ZNF366: variants seen among roughly 807,000 people sequenced by gnomAD.
The protein encoded by ZNF366 is zinc finger protein 366.
Under a neutral mutation model 47.2 loss-of-function variants are expected in ZNF366, and 20 were observed. The ratio of observed to expected loss-of-function variants is 0.42; its 90% CI spans 0.30 to 0.62. The LOEUF (loss-of-function observed/expected upper bound fraction) is 0.62, where lower values mean the gene tolerates loss of function less well. ZNF366 is among the 20% of genes least tolerant of loss of function. The pLI, the probability that ZNF366 is intolerant of heterozygous loss-of-function variation, is 0.16. For missense variants in ZNF366, 987 were observed against 976.3 expected (o/e 1.01, Z -0.15); for synonymous variants, 421 against 395.1 (o/e 1.07, Z -0.78).
chr5:72,492,747 CCTT>C (rs747527244), intron 1 of ZNF366, among the ~76,000 whole-genome samples: 1 of 152,204 alleles, frequency 6.6e-6, no homozygotes, highest in Admixed American at 6.5e-5. Flanking sequence ...CTTCCTTTGA[CCTT>C]CTTACAGCTG....
intron 1 of ZNF366, among the ~76,000 whole-genome samples, chr5:72,495,226 G>T (rs1744088910): frequency 6.6e-6 from 1 of 152,174 alleles, no homozygotes; most frequent in African/African-American, 2.4e-5. Context: ...TCCCAGGAAA[G>T]CTCCTGGTCC....
intron 1 of ZNF366, among the ~76,000 whole-genome samples, chr5:72,498,857 G>T (rs1450214210): frequency 6.6e-6 from 1 of 152,216 alleles, no homozygotes. Flanking sequence ...CATATTGCTT[G>T]AAGAGCAAAT....
chr5:72,458,163 C>A (rs1349126224), intron 2 of ZNF366, among the ~76,000 whole-genome samples: 1 of 151,728 alleles, frequency 6.6e-6, no homozygotes, highest in Non-Finnish European at 1.5e-5. Flanking sequence ...ACTACAGGTA[C>A]CCGCCACCAT....
intron 1 of ZNF366, among the ~76,000 whole-genome samples, chr5:72,479,249 G>A (rs1743734606): frequency 1.3e-5 from 2 of 152,062 alleles, no homozygotes; most frequent in Admixed American, 6.6e-5. Flanking sequence ...TAGGAAGGTT[G>A]AATAGCCTGA....
At chr5:72,497,608 A>C (rs1744140159) in intron 1 of ZNF366, among the ~76,000 whole-genome samples, 1 of 152,160 alleles carries the variant, frequency 6.6e-6, no homozygotes, top group Non-Finnish European at 1.5e-5. Flanking sequence ...GATACATTGC[A>C]TTGTAGGTAT....
intron 1 of ZNF366, among the ~76,000 whole-genome samples, chr5:72,504,090 C>T (rs1336858593): frequency 2.0e-5 from 3 of 149,270 alleles, no homozygotes; most frequent in African/African-American, 4.9e-5. Context: ...CATGCGCGCG[C>T]ACACACGCGT....
At chr5:72,482,581 A>T (rs548799539) in intron 1 of ZNF366, among the ~76,000 whole-genome samples, 2 of 152,174 alleles carry the variant, frequency 1.3e-5, no homozygotes, top group South Asian at 4.1e-4. Context: ...TCATCATGTT[A>T]ATGTATTATG....
At chr5:72,459,793 C>T (rs1743264472) in intron 2 of ZNF366, among the ~76,000 whole-genome samples, 1 of 152,236 alleles carries the variant, frequency 6.6e-6, no homozygotes, top group African/African-American at 2.4e-5. Flanking sequence ...AGGCACAGAG[C>T]TGATCTAGGG....
At position 72,442,821 on chromosome 5, in the gene ZNF366, T is replaced by C. The variant is rs1742885185; in HGVS notation, c.*935A>G. 3 of 152,236 alleles carry C rather than the reference T, an allele frequency of 2.0e-5. No homozygotes were observed. Among genetic ancestry groups the C allele is most frequent in the South Asian group, 4.1e-4 (2 of 4,828 alleles). The allele number at this position is 152,236 out of a possible 1,614,324, so 9.4% of individuals were successfully genotyped here. Reference sequence around the variant, plus strand: ...AACTACAGGCTCCTGCCATCATGCCTGGCTAATTTTTGTATTTTTAGTAGA... The same window carrying C: ...AACTACAGGCTCCTGCCATCATGCCCGGCTAATTTTTGTATTTTTAGTAGA... On this transcript the variant is annotated 3_prime_UTR_variant, in exon 5 of 5. Transcript: ENST00000318442.
Position 72,460,770 on chromosome 5 carries a change from A to G in ZNF366, c.727T>C (p.Tyr243His), listed in dbSNP as rs758490714. ...DVNVQIDDSY[Y>H]VDVGGSQKRW... is the part of the protein sequence containing the mutation. ...TTCTGCGAGCCGCCCACGTCCACGT[A>G]GTAGCTGTCATCGATCTGCACGTTC... Residue 243 changes from tyrosine to histidine, a missense_variant, in exon 2 of 5, where the codon TAC (tyrosine) becomes CAC (histidine). Physicochemically the swap from Tyr to His is moderately conservative, Grantham distance 83 (BLOSUM62 2). Around this residue, in one of 3 missense-constraint regions of ZNF366, gnomAD observed 591 missense variants for 560.9 expected, o/e 1.05. Coordinates refer to ENST00000318442, the MANE Select transcript of ZNF366 (RefSeq NM_152625.3). 4.8e-5 allele frequency: 78 copies of G among 1,614,104 alleles called. No homozygotes were observed. The highest frequency in any genetic ancestry group is 1.3e-5 in the African/African-American group (1 of 74,944).
intron 1 of ZNF366, among the ~76,000 whole-genome samples, chr5:72,474,669 CACACACAG>C (rs2112339168): frequency 1.3e-5 from 2 of 152,194 alleles, no homozygotes; most frequent in South Asian, 4.1e-4. Flanking sequence ...CACACACACA[CACACACAG>C]ACACACACAC....
chr5:72,474,482 G>A (rs1435033461), intron 1 of ZNF366, among the ~76,000 whole-genome samples: 2 of 152,108 alleles, frequency 1.3e-5, no homozygotes, highest in African/African-American at 4.8e-5. Context: ...TCTCTCTTTT[G>A]GGACTTAAAC....
chr5:72,449,020 C>T (rs1184689135), intron 3 of ZNF366, among the ~76,000 whole-genome samples: 2 of 152,186 alleles, frequency 1.3e-5, no homozygotes, highest in African/African-American at 4.8e-5. Context: ...CTGCACACCA[C>T]ATTCATTTGA....
rs144363697 is a variant in ZNF366, at chr5:72,488,214, GA to G, written c.-15+19036del. Among the ~76,000 whole-genome samples, 351 of 138,812 alleles carry G rather than the reference GA, an allele frequency of 2.5e-3. 2 individuals carry two copies. Among genetic ancestry groups the G allele is most frequent in the East Asian group, 0.012 (58 of 4,868 alleles). 91.1% of individuals were successfully genotyped at this position (138,812 alleles called of 152,430 possible). On this transcript the variant is annotated intron_variant, in intron 1 of 4. Transcript: ENST00000318442. Reference sequence around the variant, plus strand: ...CGACAGAGTGAGACCCCATCTGAAAGAAAAAAAAAAAAAACTTACATAGCAG... The same window carrying G: ...CGACAGAGTGAGACCCCATCTGAAAGAAAAAAAAAAAAACTTACATAGCAG...
intron 1 of ZNF366, among the ~76,000 whole-genome samples, chr5:72,506,392 C>A (rs1204764404): frequency 1.3e-5 from 2 of 152,154 alleles, no homozygotes; most frequent in Admixed American, 6.5e-5. Context: ...GCAAGTTAGA[C>A]TTTTAAAAAC....
chr5:72,475,551 T>C (rs1329406431), intron 1 of ZNF366, among the ~76,000 whole-genome samples: 1 of 152,210 alleles, frequency 6.6e-6, no homozygotes, highest in Non-Finnish European at 1.5e-5. Context: ...ATTCATTCAA[T>C]GAGACCATTA....
chr5:72,456,306 T>G (rs1443456425), intron 3 of ZNF366, 98 bp downstream of exon 3: 6 of 1,382,450 alleles, frequency 4.3e-6, no homozygotes, highest in Non-Finnish European at 5.9e-6. Flanking sequence ...TGAGCCCCCG[T>G]AGCCCCACTG....
rs369388922 is a variant in ZNF366 at position 72,443,998 on chromosome 5, C to G, written c.1993G>C (p.Glu665Gln). Reference sequence around the variant, plus strand: ...CCCTTGGATGCATCCTCCTTCTCCTCCTTGCAGGCTTCCTCCAGCACCTCG... The same window carrying G: ...CCCTTGGATGCATCCTCCTTCTCCTGCTTGCAGGCTTCCTCCAGCACCTCG... Reference protein sequence around the residue: ...APEVLEEACKEEKEDASKGEW... With the variant: ...APEVLEEACKQEKEDASKGEW... Residue 665 changes from glutamate to glutamine, a missense_variant, in exon 5 of 5, where the codon GAG (glutamate) becomes CAG (glutamine). Transcript: ENST00000318442. 166 of 1,614,094 alleles carry G rather than the reference C, an allele frequency of 1.0e-4. No individual in the cohort carries two copies. Among genetic ancestry groups the G allele is most frequent in the Non-Finnish European group, 1.4e-4 (163 of 1,180,038 alleles).
chr5:72,444,802 T>C (rs1053080852), intron 4 of ZNF366, among the ~76,000 whole-genome samples: 1 of 152,238 alleles, frequency 6.6e-6, no homozygotes, highest in Non-Finnish European at 1.5e-5. Context: ...GTGTGTGTAT[T>C]TATTTATAGT....
Sources: allele counts gnomAD v4.1 joint callset (sites outside exome capture counted in the v4.1 genomes callset), GRCh38; gene constraint gnomAD v4.1.1; regional missense constraint gnomAD v4.1.1; transcripts MANE v1.5; gene names NCBI Gene and HGNC (gene_info 2026-07-23, HGNC 2026-07-21).